The following GSE1 variants were observed in gnomAD, a reference collection of about 807,000 sequenced individuals.
GSE1 encodes genetic suppressor element 1.
In GSE1, 32 loss-of-function variants were observed where a neutral mutation model predicts 112.6. The ratio of observed to expected loss-of-function variants is 0.28; its 90% CI spans 0.21 to 0.38. The LOEUF (loss-of-function observed/expected upper bound fraction) is 0.38. Among genes scored for constraint, GSE1 ranks in the 10% least tolerant of loss-of-function variants. The pLI is 1.00. For missense variants in GSE1, 2,348 were observed against 1,699.2 expected (o/e 1.38, Z -6.71); for synonymous variants, 1,115 against 735.6 (o/e 1.52, Z -8.35).
intron 2 of GSE1, among the ~76,000 whole-genome samples, chr16:85,431,698 T>G (rs2049125589): frequency 6.6e-6 from 1 of 152,096 alleles, no homozygotes; most frequent in South Asian, 2.1e-4. Flanking sequence ...CCAGCCCACC[T>G]GGACAGGAGC....
chr16:85,499,219 C>T (rs148206064), intron 2 of GSE1, among the ~76,000 whole-genome samples: 2 of 147,536 alleles, frequency 1.4e-5, no homozygotes, highest in Non-Finnish European at 3.0e-5. Flanking sequence ...ATAGGATCTG[C>T]GGCATGAAGG....
At chr16:85,546,772 AG>A (rs1421538973) in intron 2 of GSE1, among the ~76,000 whole-genome samples, 13 of 152,360 alleles carry the variant, frequency 8.5e-5, no homozygotes, top group Admixed American at 4.6e-4. Context: ...CTGGGATGAA[AG>A]GGCATGGCTT....
At chr16:85,333,196 G>A (rs1342560429) in intron 1 of GSE1, among the ~76,000 whole-genome samples, 1 of 152,180 alleles carries the variant, frequency 6.6e-6, no homozygotes, top group African/African-American at 2.4e-5. Flanking sequence ...CAGGAGGGGT[G>A]GCAGGGGAGC....
At chr16:85,644,868 T>A (rs912200711) in intron 2 of GSE1, among the ~76,000 whole-genome samples, 1 of 141,136 alleles carries the variant, frequency 7.1e-6, no homozygotes, top group Non-Finnish European at 1.6e-5. Context: ...TTTTTTTTTT[T>A]AAACAACGAT....
chr16:85,493,104 G>A (rs1202583073), intron 2 of GSE1, among the ~76,000 whole-genome samples: 3 of 152,204 alleles, frequency 2.0e-5, no homozygotes, highest in Non-Finnish European at 2.9e-5. Context: ...GAGGAAGGGA[G>A]CTGGTGAGCC....
chr16:85,224,646 C>T (rs1202704268), intron 1 of GSE1, among the ~76,000 whole-genome samples: 2 of 152,134 alleles, frequency 1.3e-5, no homozygotes, highest in Non-Finnish European at 2.9e-5. Context: ...CTTCCCCTGC[C>T]GAGCTTACCT....
At chr16:85,335,228 G>A (rs1303127598) in intron 1 of GSE1, among the ~76,000 whole-genome samples, 1 of 152,270 alleles carries the variant, frequency 6.6e-6, no homozygotes, top group Non-Finnish European at 1.5e-5. Flanking sequence ...GGAGGCCCCA[G>A]CTCTGAGCCC....
chr16:85,242,267 G>A (rs1905227897), intron 1 of GSE1, among the ~76,000 whole-genome samples: 1 of 152,188 alleles, frequency 6.6e-6, no homozygotes, highest in Non-Finnish European at 1.5e-5. Context: ...CCTGCAAGCA[G>A]CCGCCCTCCT....
chr16:85,171,092 A>G lies in GSE1; in HGVS notation c.1568A>G (p.Gln523Arg), dbSNP rs1167428017. Reference sequence around the variant, plus strand: ...CTCCTGCCCTGCCCGCCCAACGCCCAGGGCCCCAACAAGCGCTGTGAAGTC... The same window carrying G: ...CTCCTGCCCTGCCCGCCCAACGCCCGGGGCCCCAACAAGCGCTGTGAAGTC... The change falls in exon 1 of 3, where the codon CAG becomes CGG. Residue 523 changes from glutamine (Q) to arginine (R), a missense_variant. By Grantham distance (43) the Gln-to-Arg change is conservative. Transcript: ENST00000637419. 5 of 985,488 alleles carry G rather than the reference A, an allele frequency of 5.1e-6. No individual in the cohort carries two copies. The South Asian group carries it at 2.3e-4, about 46-fold the overall frequency. The allele number at this position is 985,488 out of a possible 1,614,324, so 61.0% of individuals were successfully genotyped here. A position where few individuals can be genotyped will look rare whatever the true frequency, so the allele number is the denominator to read the frequency against.
chr16:85,300,102 C>T (rs1429742762), intron 1 of GSE1, among the ~76,000 whole-genome samples: 1 of 152,138 alleles, frequency 6.6e-6, no homozygotes, highest in African/African-American at 2.4e-5. Context: ...ACCTCTGCCT[C>T]CCGGGTTCAA....
At chr16:85,613,842 C>T (rs1247540897) in intron 1 of GSE1, among the ~76,000 whole-genome samples, 1 of 108,984 alleles carries the variant, frequency 9.2e-6, no homozygotes. Flanking sequence ...CTGGCGACGG[C>T]CGAGGAAGCG....
chr16:85,473,517 C>A (rs979329962), intron 2 of GSE1, among the ~76,000 whole-genome samples: 4 of 152,218 alleles, frequency 2.6e-5, no homozygotes, highest in Admixed American at 6.5e-5. Context: ...AGAAGACCCT[C>A]CCTGCCTCTG....
chr16:85,661,554 G>A lies in GSE1; in HGVS notation c.2049G>A (p.Gln683=). ...TGGCTGAGCTCGAGAAGTCCACCCA[G>A]ACCATCCTGGGCCAGCAGCGGGCCT... The part of the protein sequence containing the change: ...PFLAELEKST[Q]TILGQQRASL... Residue 683 remains glutamine (Q), a synonymous_variant, in exon 9 of 16, where the codon CAG becomes CAA. Coordinates refer to ENST00000253458, the MANE Select transcript of GSE1 (RefSeq NM_014615.5). 6.2e-7 allele frequency: 1 copy of A among 1,611,746 alleles called. No homozygotes were observed. Among genetic ancestry groups the A allele is most frequent in the Non-Finnish European group, 8.5e-7 (1 of 1,179,624 alleles).
chr16:85,588,691 TCTC>T (rs1432359556), intron 1 of GSE1, among the ~76,000 whole-genome samples: 2 of 152,146 alleles, frequency 1.3e-5, no homozygotes, highest in African/African-American at 4.8e-5. Flanking sequence ...GCTGCATAAA[TCTC>T]CTATCAACTT....
intron 2 of GSE1, among the ~76,000 whole-genome samples, chr16:85,448,063 A>T (rs1014577229): frequency 6.6e-6 from 1 of 152,220 alleles, no homozygotes; most frequent in African/African-American, 2.4e-5. Context: ...GCGAGGGCTC[A>T]TCAGCCCTCT....
intron 1 of GSE1, among the ~76,000 whole-genome samples, chr16:85,320,036 G>T (rs922889179): frequency 1.3e-5 from 2 of 152,182 alleles, no homozygotes; most frequent in Non-Finnish European, 2.9e-5. Flanking sequence ...CAAATTACAG[G>T]TTCTCAGATG....
chr16:85,661,832 G>C, intron 9 of GSE1, 67 bp downstream of exon 9: 4 of 1,386,212 alleles, frequency 2.9e-6, no homozygotes, highest in African/African-American at 1.5e-5. Flanking sequence ...GAGCCTGCAT[G>C]CCAGCCACCT....
At chr16:85,543,389 C>T (rs2044591700) in intron 2 of GSE1, among the ~76,000 whole-genome samples, 1 of 152,078 alleles carries the variant, frequency 6.6e-6, no homozygotes, top group African/African-American at 2.4e-5. Flanking sequence ...CTTTTCAGAG[C>T]AGGTTTTGTT....
intron 1 of GSE1, among the ~76,000 whole-genome samples, chr16:85,201,882 T>A (rs2075035368): frequency 6.6e-6 from 1 of 152,250 alleles, no homozygotes; most frequent in African/African-American, 2.4e-5. Context: ...TTTCAGGGCC[T>A]CCTGGATTTC....
Sources: allele counts gnomAD v4.1 joint callset (sites outside exome capture counted in the v4.1 genomes callset), GRCh38; gene constraint gnomAD v4.1.1; transcripts MANE v1.5; gene names NCBI Gene and HGNC (gene_info 2026-07-23, HGNC 2026-07-21).